Variants in DOCK3 observed in about 807,000 individuals in gnomAD.
DOCK3 encodes the protein dedicator of cytokinesis protein 3.
In DOCK3, 60 loss-of-function variants were observed where a neutral mutation model predicts 265.6. That is an observed-to-expected ratio of 0.23 (90% CI 0.18 to 0.28). The LOEUF is 0.28. DOCK3 is among the 10% of genes least tolerant of loss of function. DOCK3 has a pLI of 1.00. For synonymous variants in DOCK3, 881 were observed against 938.0 expected (o/e 0.94, Z 1.11); for missense variants, 1,981 against 2,594.3 (o/e 0.76, Z 5.14).
At chr3:51,295,185 G>A (rs2082011913) in intron 27 of DOCK3, among the ~76,000 whole-genome samples, 1 of 152,178 alleles carries the variant, frequency 6.6e-6, no homozygotes, top group African/African-American at 2.4e-5. Flanking sequence ...GGTTTATTTG[G>A]CTTACAATTC....
chr3:51,331,111 T>G (rs1389070095), intron 33 of DOCK3, among the ~76,000 whole-genome samples: 9 of 152,198 alleles, frequency 5.9e-5, no homozygotes, highest in African/African-American at 1.7e-4. Context: ...ACTTGAGAGA[T>G]AAAGAACTGG....
rs1458311918 is a variant in DOCK3 at position 51,237,556 on chromosome 3, A to C, written c.2068A>C (p.Ile690Leu). 6.2e-7 allele frequency: 1 copy of C among 1,613,744 alleles called. No homozygotes were observed. Among genetic ancestry groups the C allele is most frequent in the Non-Finnish European group, 8.5e-7 (1 of 1,179,804 alleles). Residue 690 changes from isoleucine to leucine, a missense_variant, in exon 21 of 53, where the codon ATC (isoleucine) becomes CTC (leucine). Transcript: ENST00000266037. ...CTTTCGACCTGTGATGGACACGTAT[A>C]TCCAGAAGCACTTTGCTGGAGCTCT... ...FHFRPVMDTY[I>L]QKHFAGALAY... is the part of the protein sequence containing the mutation.
chr3:50,742,779 A>G (rs1184839814), intron 1 of DOCK3, among the ~76,000 whole-genome samples: 1 of 152,242 alleles, frequency 6.6e-6, no homozygotes, highest in Non-Finnish European at 1.5e-5. Flanking sequence ...TCTGCAGGAT[A>G]TTATCTAGGA....
intron 2 of DOCK3, chr3:50,788,020 A>C (rs2042276058): frequency 9.4e-6 from 7 of 747,402 alleles, no homozygotes; most frequent in Non-Finnish European, 1.6e-5. Context: ...TAGCATGCAC[A>C]TCAGACTCTG....
intron 9 of DOCK3, among the ~76,000 whole-genome samples, chr3:51,111,967 T>C (rs2083538927): frequency 6.6e-6 from 1 of 152,196 alleles, no homozygotes; most frequent in African/African-American, 2.4e-5. Flanking sequence ...GCATCACTGA[T>C]CATTAGAGAA....
chr3:51,105,778 A>G (rs2083257496), intron 9 of DOCK3, among the ~76,000 whole-genome samples: 2 of 152,156 alleles, frequency 1.3e-5, no homozygotes, highest in South Asian at 4.1e-4. Context: ...AGACATTGCA[A>G]GCAAATGGAG....
intron 3 of DOCK3, among the ~76,000 whole-genome samples, chr3:50,871,587 A>G (rs1191196477): frequency 2.6e-5 from 4 of 151,808 alleles, no homozygotes; most frequent in Non-Finnish European, 4.4e-5. Context: ...GTTCTCTGTT[A>G]TTATTTCTTT....
chr3:51,113,333 T>G (rs1247716894), intron 9 of DOCK3, among the ~76,000 whole-genome samples: 1 of 152,114 alleles, frequency 6.6e-6, no homozygotes, highest in Non-Finnish European at 1.5e-5. Flanking sequence ...ATTAAAACAT[T>G]GAACATTTCA....
At chr3:51,322,920 A>G (rs2083831428) in intron 32 of DOCK3, among the ~76,000 whole-genome samples, 1 of 135,718 alleles carries the variant, frequency 7.4e-6, no homozygotes, top group African/African-American at 2.8e-5. Context: ...CTCACATGCA[A>G]AGACACACAT....
intron 2 of DOCK3, among the ~76,000 whole-genome samples, chr3:50,811,962 G>T (rs536075058): frequency 1.4e-4 from 22 of 152,306 alleles, no homozygotes; most frequent in Admixed American, 4.6e-4. Context: ...GCTGAGAGAG[G>T]GTGGACAAGC....
chr3:50,959,740 C>T (rs997133358), intron 5 of DOCK3, among the ~76,000 whole-genome samples: 6 of 152,062 alleles, frequency 3.9e-5, no homozygotes, highest in East Asian at 1.9e-4. Context: ...CCACCACGCC[C>T]GGCTAATTTT....
At chr3:51,140,365 T>G (rs1016168725) in intron 9 of DOCK3, among the ~76,000 whole-genome samples, 9 of 152,242 alleles carry the variant, frequency 5.9e-5, no homozygotes, top group African/African-American at 2.2e-4. Flanking sequence ...TGTGGTCTTA[T>G]GTGATTGGCT....
chr3:50,759,603 C>G (rs1004974297), intron 1 of DOCK3, among the ~76,000 whole-genome samples: 1 of 150,222 alleles, frequency 6.7e-6, no homozygotes, highest in Non-Finnish European at 1.5e-5. Flanking sequence ...TTTGGGAAGC[C>G]AAGGCAGGAG....
At chr3:51,163,600 A>G (rs2086240593) in intron 12 of DOCK3, among the ~76,000 whole-genome samples, 1 of 151,992 alleles carries the variant, frequency 6.6e-6, no homozygotes, top group East Asian at 1.9e-4. Flanking sequence ...CCAAAAGGAG[A>G]GGAGTGCCAG....
At chr3:50,977,898 C>G (rs2077523593) in intron 5 of DOCK3, among the ~76,000 whole-genome samples, 1 of 152,040 alleles carries the variant, frequency 6.6e-6, no homozygotes, top group Non-Finnish European at 1.5e-5. Flanking sequence ...TTCATTTCAT[C>G]TTCCATCGCT....
At chr3:51,318,392 A>G (rs1054810015) in intron 32 of DOCK3, among the ~76,000 whole-genome samples, 1 of 152,186 alleles carries the variant, frequency 6.6e-6, no homozygotes, top group African/African-American at 2.4e-5. Context: ...AAAATTATAT[A>G]TATATCAAAT....
At chr3:51,182,034 A>G (rs1294564595) in intron 12 of DOCK3, among the ~76,000 whole-genome samples, 2 of 152,184 alleles carry the variant, frequency 1.3e-5, no homozygotes, top group African/African-American at 4.8e-5. Flanking sequence ...GAAAGAGTAT[A>G]AAAAGCAAAG....
chr3:50,683,481 G>A (rs901410233), intron 1 of DOCK3, among the ~76,000 whole-genome samples: 28 of 152,174 alleles, frequency 1.8e-4, no homozygotes, highest in African/African-American at 6.5e-4. Context: ...ATTATGTCTA[G>A]TGTATAAACA....
intron 10 of DOCK3, among the ~76,000 whole-genome samples, chr3:51,149,434 G>A (rs1375052595): frequency 6.6e-6 from 1 of 152,138 alleles, no homozygotes; most frequent in Non-Finnish European, 1.5e-5. Context: ...CAATGGGAAT[G>A]CTTCCAATTT....
Sources: allele counts gnomAD v4.1 joint callset (sites outside exome capture counted in the v4.1 genomes callset), GRCh38; gene constraint gnomAD v4.1.1; transcripts MANE v1.5; gene names NCBI Gene and HGNC (gene_info 2026-07-23, HGNC 2026-07-21).